RYK: variants seen among roughly 807,000 people sequenced by gnomAD.
The protein encoded by RYK is receptor like tyrosine kinase.
RYK carries 21 observed loss-of-function variants against 70.2 expected under a neutral mutation model. The observed-to-expected ratio is 0.30, with a 90% confidence interval of 0.21 to 0.43. The LOEUF is 0.43. Ranked by LOEUF, RYK falls within the 20% of genes least tolerant of loss-of-function variation. The probability of loss-of-function intolerance (pLI) is 1.00; values close to 1 mark genes in which losing one functional copy is unlikely to be tolerated. For missense variants in RYK, 604 were observed against 753.3 expected (o/e 0.80, Z 2.32); for synonymous variants, 267 against 278.0 (o/e 0.96, Z 0.39).
intron 3 of RYK, among the ~76,000 whole-genome samples, chr3:134,210,891 C>G (rs1261242838): frequency 6.6e-6 from 1 of 152,020 alleles, no homozygotes; most frequent in Non-Finnish European, 1.5e-5. Flanking sequence ...AAAGACAGTG[C>G]AGATCTTGAG....
intron 5 of RYK, among the ~76,000 whole-genome samples, chr3:134,203,104 C>T (rs746219200): frequency 1.1e-4 from 16 of 151,978 alleles, no homozygotes; most frequent in Admixed American, 6.6e-5. Context: ...CCCAGCACTT[C>T]GGGAGGCCAA....
chr3:134,239,087 T>C (rs1244152200), intron 1 of RYK, among the ~76,000 whole-genome samples: 1 of 152,002 alleles, frequency 6.6e-6, no homozygotes, highest in Non-Finnish European at 1.5e-5. Flanking sequence ...GGTATGGAGC[T>C]ATGGAAGTCG....
intron 14 of RYK, among the ~76,000 whole-genome samples, chr3:134,158,948 G>T (rs925002375): frequency 1.4e-4 from 21 of 152,094 alleles, no homozygotes; most frequent in African/African-American, 4.6e-4. Context: ...ACTTTATATA[G>T]AATAACTGAC....
At chr3:134,241,096 T>C (rs552825288) in intron 1 of RYK, among the ~76,000 whole-genome samples, 2 of 144,664 alleles carry the variant, frequency 1.4e-5, no homozygotes, top group East Asian at 2.0e-4. Flanking sequence ...CCAGACAGGG[T>C]TGGTGGGGGA....
chr3:134,223,176 A>C (rs1576529174), intron 1 of RYK, among the ~76,000 whole-genome samples: 2 of 152,184 alleles, frequency 1.3e-5, no homozygotes, highest in Admixed American at 1.3e-4. Flanking sequence ...CAAAACATAA[A>C]TGCTTGTTAA....
intron 7 of RYK, among the ~76,000 whole-genome samples, chr3:134,194,389 T>A (rs2013748139): frequency 6.6e-6 from 1 of 152,206 alleles, no homozygotes; most frequent in Non-Finnish European, 1.5e-5. Flanking sequence ...CTTTAGCCAG[T>A]GGAAGCTCTT....
At chr3:134,188,074 AAAG>A (rs1671960564) in intron 9 of RYK, among the ~76,000 whole-genome samples, 2 of 151,850 alleles carry the variant, frequency 1.3e-5, no homozygotes, top group Admixed American at 1.3e-4. Flanking sequence ...CGCTGGCCCA[AAAG>A]AAGAATATGT....
intron 10 of RYK, chr3:134,178,326 G>GC: frequency 2.9e-6 from 1 of 339,372 alleles, no homozygotes; most frequent in South Asian, 4.5e-5. Flanking sequence ...CTTCCTGTGG[G>GC]CTGGATTCTC....
At chr3:134,226,567 T>A (rs1265373376) in intron 1 of RYK, among the ~76,000 whole-genome samples, 1 of 151,944 alleles carries the variant, frequency 6.6e-6, no homozygotes, top group East Asian at 1.9e-4. Flanking sequence ...CAGAACAACA[T>A]CCCTTATGAA....
intron 1 of RYK, among the ~76,000 whole-genome samples, chr3:134,244,556 A>G (rs547327012): frequency 2.0e-5 from 3 of 152,278 alleles, no homozygotes; most frequent in African/African-American, 7.2e-5. Flanking sequence ...ATGAATGCCT[A>G]CATTGCAGCC....
At chr3:134,241,589 G>T (rs919679407) in intron 1 of RYK, among the ~76,000 whole-genome samples, 3 of 152,150 alleles carry the variant, frequency 2.0e-5, no homozygotes, top group African/African-American at 7.2e-5. Context: ...CATTCAAAAC[G>T]TTAATTTACC....
At chr3:134,193,024 A>T (rs1273208189) in intron 7 of RYK, among the ~76,000 whole-genome samples, 4 of 152,108 alleles carry the variant, frequency 2.6e-5, no homozygotes, top group Non-Finnish European at 5.9e-5. Flanking sequence ...TCTGTAAACA[A>T]ATGTATTTCT....
intron 1 of RYK, among the ~76,000 whole-genome samples, chr3:134,223,903 T>A (rs1173553734): frequency 6.6e-6 from 1 of 152,194 alleles, no homozygotes; most frequent in Non-Finnish European, 1.5e-5. Flanking sequence ...AATATAGACC[T>A]AGAAACAAAT....
In RYK at chr3:134,195,190, C is replaced by T. The variant is rs1356797897; in HGVS notation, c.789-8G>A. 6.3e-7 allele frequency: 1 copy of T among 1,596,666 alleles called. No individual in the cohort carries two copies. Among genetic ancestry groups the T allele is most frequent in the African/African-American group, 1.3e-5 (1 of 74,454 alleles). ...CTACTGCTGGCACTAATGCTGCAAA[C>T]AATTTTTGAGAGAAATATTTGACAA... On this transcript the variant is annotated splice_region_variant and splice_polypyrimidine_tract_variant and intron_variant, in intron 6 of 14. Coordinates refer to ENST00000623711, the MANE Select transcript of RYK (RefSeq NM_002958.4).
chr3:134,165,301 A>G (rs989735068), intron 13 of RYK, among the ~76,000 whole-genome samples: 1 of 152,208 alleles, frequency 6.6e-6, no homozygotes, highest in African/African-American at 2.4e-5. Flanking sequence ...TTCTACATAA[A>G]TGATCATACT....
At chr3:134,224,634 A>G (rs1158472840) in intron 1 of RYK, among the ~76,000 whole-genome samples, 1 of 152,114 alleles carries the variant, frequency 6.6e-6, no homozygotes, top group Non-Finnish European at 1.5e-5. Flanking sequence ...TGGTCTGCTA[A>G]GTAACAGGTG....
intron 1 of RYK, among the ~76,000 whole-genome samples, chr3:134,249,930 T>G (rs1405677694): frequency 1.2e-4 from 18 of 147,750 alleles, no homozygotes; most frequent in Admixed American, 1.1e-3. Context: ...TTTTTTTTTT[T>G]TTTTTTTTTT....
At chr3:134,232,390 C>T (rs2015089027) in intron 1 of RYK, among the ~76,000 whole-genome samples, 1 of 152,146 alleles carries the variant, frequency 6.6e-6, no homozygotes, top group South Asian at 2.1e-4. Context: ...CTGCATAATC[C>T]TGGATTAAGC....
At chr3:134,250,341 G>T in intron 1 of RYK, 82 bp downstream of exon 1, 1 of 852,398 alleles carries the variant, frequency 1.2e-6, no homozygotes, top group Non-Finnish European at 1.6e-6. Flanking sequence ...GAGGTCCACG[G>T]CTCGCAGACT....
Sources: gnomAD v4.1 joint callset for allele counts (sites outside exome capture counted in the v4.1 genomes callset) on GRCh38, gnomAD v4.1.1 for gene constraint, MANE v1.5 for transcripts, NCBI Gene and HGNC (gene_info 2026-07-23, HGNC 2026-07-21) for gene names.